The following SLC5A11 variants were observed in gnomAD, a reference collection of about 807,000 sequenced individuals.
SLC5A11 encodes the protein sodium/myo-inositol cotransporter 2.
SLC5A11 carries 48 observed loss-of-function variants against 69.8 expected under a neutral mutation model. That is an observed-to-expected ratio of 0.69 (90% CI 0.55 to 0.87). The LOEUF is 0.87. Ranked by LOEUF, SLC5A11 falls within the 40% of genes least tolerant of loss-of-function variation. The pLI is 0.00. For missense variants in SLC5A11, 784 were observed against 866.1 expected (o/e 0.91, Z 1.19); for synonymous variants, 319 against 342.4 (o/e 0.93, Z 0.75).
chr16:24,852,161 A>G (rs59357392), intron 1 of SLC5A11, among the ~76,000 whole-genome samples: 73 of 152,148 alleles, frequency 4.8e-4, no homozygotes, highest in African/African-American at 1.7e-3. Flanking sequence ...TTTTTCTTTC[A>G]TTATGAAACG....
intron 8 of SLC5A11, among the ~76,000 whole-genome samples, chr16:24,889,084 A>G (rs892782121): frequency 2.0e-5 from 3 of 152,112 alleles, no homozygotes; most frequent in Non-Finnish European, 4.4e-5. Context: ...GGCGTGAGCC[A>G]CCTGGCCCGG....
intron 3 of SLC5A11, among the ~76,000 whole-genome samples, chr16:24,866,124 A>G (rs758638002): frequency 1.3e-5 from 2 of 150,050 alleles, no homozygotes; most frequent in Non-Finnish European, 3.0e-5. Context: ...GGAGGAATAG[A>G]AGAATAAGAA....
intron 5 of SLC5A11, among the ~76,000 whole-genome samples, chr16:24,873,285 G>GGAAGGAAGGAAGGAA (rs2047448206): frequency 6.7e-6 from 1 of 148,764 alleles, no homozygotes; most frequent in Non-Finnish European, 1.5e-5. Flanking sequence ...AAGGAAGGAA[G>GGAAGGAAGGAAGGAA]GAAGGAAGGA....
intron 8 of SLC5A11, among the ~76,000 whole-genome samples, chr16:24,886,066 G>A (rs546397642): frequency 6.2e-5 from 9 of 144,866 alleles, no homozygotes; most frequent in African/African-American, 1.8e-4. Context: ...ATGAAGTCTC[G>A]CTCTGTCACC....
chr16:24,863,432 T>A (rs1422042821), intron 3 of SLC5A11, among the ~76,000 whole-genome samples: 1 of 152,154 alleles, frequency 6.6e-6, no homozygotes, highest in Non-Finnish European at 1.5e-5. Context: ...TTTAACCAGG[T>A]AGCTGAATCC....
intron 10 of SLC5A11, among the ~76,000 whole-genome samples, chr16:24,904,334 T>C (rs891741110): frequency 6.6e-6 from 1 of 152,212 alleles, no homozygotes; most frequent in South Asian, 2.1e-4. Context: ...TCCATAGTTT[T>C]CCATACTAGC....
At chr16:24,872,825 C>A (rs1187073663) in intron 5 of SLC5A11, among the ~76,000 whole-genome samples, 1 of 150,244 alleles carries the variant, frequency 6.7e-6, no homozygotes, top group African/African-American at 2.5e-5. Flanking sequence ...CCATGCCCAG[C>A]CTATGTTTCT....
intron 5 of SLC5A11, among the ~76,000 whole-genome samples, chr16:24,874,771 G>A (rs1006351237): frequency 1.3e-5 from 2 of 151,972 alleles, no homozygotes; most frequent in African/African-American, 4.8e-5. Flanking sequence ...TAGTAGAGAC[G>A]GGGTTTCGCC....
chr16:24,862,773 C>T (rs765035620), intron 3 of SLC5A11, 101 bp downstream of exon 4: 18 of 1,006,594 alleles, frequency 1.8e-5, no homozygotes, highest in Non-Finnish European at 2.5e-5. Flanking sequence ...GGTCTCATGT[C>T]GTTTGGAAGT....
intron 10 of SLC5A11, among the ~76,000 whole-genome samples, chr16:24,904,976 T>A (rs546372669): frequency 1.3e-5 from 2 of 152,094 alleles, no homozygotes; most frequent in South Asian, 2.1e-4. Flanking sequence ...TGTGTGATGT[T>A]CCCCTCCTTG....
intron 1 of SLC5A11, among the ~76,000 whole-genome samples, chr16:24,856,975 C>T (rs962541210): frequency 7.2e-5 from 11 of 151,916 alleles, no homozygotes; most frequent in Non-Finnish European, 5.9e-5. Context: ...CATGCGCCAC[C>T]ACACCCAGCT....
intron 3 of SLC5A11, among the ~76,000 whole-genome samples, chr16:24,868,727 A>G (rs1482968255): frequency 6.6e-6 from 1 of 152,198 alleles, no homozygotes; most frequent in Non-Finnish European, 1.5e-5. Flanking sequence ...TAAGAAGCAG[A>G]GACAGGAAAG....
chr16:24,849,599 T>C lies in SLC5A11; in HGVS notation c.-25+3161T>C, dbSNP rs865888616. On this transcript the variant is annotated intron_variant, in intron 1 of 15. Coordinates refer to ENST00000347898, the Ensembl canonical transcript of SLC5A11. ...AAAAAAAAAAAAAAAAAAAAATATA[T>C]ATATATATATATATATATATATATC... Among the ~76,000 whole-genome samples the C allele has an allele frequency of 1.2e-3, 102 of 83,236 alleles. 1 individual carries two copies. Among genetic ancestry groups the C allele is most frequent in the African/African-American group, 5.0e-3 (100 of 20,044 alleles). The allele number at this position is 83,236 out of a possible 152,430, so 54.6% of individuals were successfully genotyped here. A position where few individuals can be genotyped will look rare whatever the true frequency, so the allele number is the denominator to read the frequency against.
In SLC5A11 at chr16:24,907,008, C is replaced by T. The variant is rs1286067444; in HGVS notation, c.1115-17C>T. On this transcript the variant is annotated splice_polypyrimidine_tract_variant and intron_variant, in intron 11 of 15. Transcript: ENST00000347898. ...GCAGAAAAGGACCGAGGCCCATGAC[C>T]TCCCTTCCGCCCCCAGGGCTCCGTG... is the stretch of plus-strand genomic sequence containing the variant. The T allele has an allele frequency of 6.2e-7, 1 of 1,612,108 alleles. No homozygotes were observed. The highest frequency in any genetic ancestry group is 1.7e-5 in the Admixed American group (1 of 59,726).
At chr16:24,855,952 T>C (rs957594149) in intron 1 of SLC5A11, among the ~76,000 whole-genome samples, 2 of 152,204 alleles carry the variant, frequency 1.3e-5, no homozygotes, top group African/African-American at 4.8e-5. Context: ...CCGGAGTCAC[T>C]ACCTCCAGAA....
chr16:24,882,024 T>C (rs918417228), intron 7 of SLC5A11, among the ~76,000 whole-genome samples: 2 of 152,204 alleles, frequency 1.3e-5, no homozygotes, highest in African/African-American at 4.8e-5. Context: ...TTCTCAGAAC[T>C]AGCAGAAGCA....
chr16:24,901,333 G>A (rs1027347612), intron 10 of SLC5A11, among the ~76,000 whole-genome samples: 15 of 152,100 alleles, frequency 9.9e-5, no homozygotes, highest in African/African-American at 3.4e-4. Context: ...TTATTCATTT[G>A]GCCAGGAGCA....
chr16:24,886,364 A>G (rs898866361), intron 8 of SLC5A11, among the ~76,000 whole-genome samples: 1 of 148,060 alleles, frequency 6.8e-6, no homozygotes, highest in Admixed American at 7.0e-5. Context: ...TAAAATGCAG[A>G]GAAAAGGGAT....
intron 10 of SLC5A11, among the ~76,000 whole-genome samples, chr16:24,901,263 A>T (rs2049569071): frequency 6.6e-6 from 1 of 152,178 alleles, no homozygotes; most frequent in Non-Finnish European, 1.5e-5. Context: ...AAACAACCTT[A>T]TATGGTAGGT....
Sources: gnomAD v4.1 joint callset for allele counts (sites outside exome capture counted in the v4.1 genomes callset) on GRCh38, gnomAD v4.1.1 for gene constraint, MANE v1.5 for transcripts, NCBI Gene and HGNC (gene_info 2026-07-23, HGNC 2026-07-21) for gene names.